The following AKAP13 variants were observed in gnomAD, a reference collection of about 807,000 sequenced individuals.
AKAP13 encodes the protein A-kinase anchor protein 13.
AKAP13 carries 80 observed loss-of-function variants against 264.5 expected under a neutral mutation model. The ratio of observed to expected loss-of-function variants is 0.30; its 90% CI spans 0.25 to 0.36. The LOEUF is 0.36. AKAP13 is among the 10% of genes least tolerant of loss of function. The pLI is 1.00. For missense variants in AKAP13, 3,712 were observed against 3,435.2 expected (o/e 1.08, Z -2.01); for synonymous variants, 1,380 against 1,250.2 (o/e 1.10, Z -2.19).
At chr15:85,716,861 G>C (rs1597158105) in intron 20 of AKAP13, among the ~76,000 whole-genome samples, 1 of 152,208 alleles carries the variant, frequency 6.6e-6, no homozygotes, top group Non-Finnish European at 1.5e-5. Flanking sequence ...TTGGGTGCCT[G>C]CTGTGCTAGC....
intron 1 of AKAP13, among the ~76,000 whole-genome samples, chr15:85,381,231 C>A (rs1167968078): frequency 1.3e-5 from 2 of 152,094 alleles, no homozygotes; most frequent in Non-Finnish European, 2.9e-5. Context: ...GGTGTGGAGT[C>A]CCCGCCGTGG....
intron 1 of AKAP13, among the ~76,000 whole-genome samples, chr15:85,419,827 C>T (rs1431604271): frequency 6.6e-6 from 1 of 151,564 alleles, no homozygotes; most frequent in Non-Finnish European, 1.5e-5. Context: ...TTGTGTACCT[C>T]ATTTTCTCTG....
chr15:85,407,485 C>G (rs1028603508), intron 1 of AKAP13, among the ~76,000 whole-genome samples: 2 of 151,646 alleles, frequency 1.3e-5, no homozygotes, highest in African/African-American at 4.9e-5. Flanking sequence ...GGTGATCTGT[C>G]TGCCTTGGCC....
rs1481897338 is a variant in AKAP13 at position 85,747,850 on chromosome 15, A to G, written c.*3173A>G. 1.3e-5 allele frequency: 2 copies of G among 153,232 alleles called. No individual in the cohort carries two copies. Among genetic ancestry groups the G allele is most frequent in the African/African-American group, 4.8e-5 (2 of 41,422 alleles). The allele number at this position is 153,232 out of a possible 1,614,324, so 9.5% of individuals were successfully genotyped here. On this transcript the variant is annotated 3_prime_UTR_variant, in exon 37 of 37. Transcript: ENST00000394518. Reference sequence around the variant, plus strand: ...TTTTTCCCCTTCTGTGTCTCAGGGTAATACTATTCAGAGTCGCCCCTTTGC... The same window carrying G: ...TTTTTCCCCTTCTGTGTCTCAGGGTGATACTATTCAGAGTCGCCCCTTTGC...
intron 1 of AKAP13, among the ~76,000 whole-genome samples, chr15:85,400,871 TA>T (rs1345731465): frequency 3.9e-4 from 23 of 58,816 alleles, no homozygotes; most frequent in East Asian, 5.8e-4. Context: ...TATATATATA[TA>T]TATTTTTTTT....
intron 1 of AKAP13, among the ~76,000 whole-genome samples, chr15:85,413,996 T>C (rs2150878513): frequency 6.6e-6 from 1 of 152,296 alleles, no homozygotes; most frequent in Middle Eastern, 3.4e-3. Flanking sequence ...TTCTCCAACC[T>C]TTTTTACCAC....
At chr15:85,514,630 A>G (rs1596387442) in intron 2 of AKAP13, among the ~76,000 whole-genome samples, 1 of 137,770 alleles carries the variant, frequency 7.3e-6, no homozygotes, top group South Asian at 2.2e-4. Flanking sequence ...CCTTTAATGA[A>G]ATTGAACACT....
At chr15:85,383,473 A>G (rs1359436301) in intron 1 of AKAP13, among the ~76,000 whole-genome samples, 1 of 152,220 alleles carries the variant, frequency 6.6e-6, no homozygotes, top group African/African-American at 2.4e-5. Flanking sequence ...AGCTGTAATG[A>G]TAATAATTTT....
chr15:85,500,420 T>G (rs2076008471), intron 2 of AKAP13, among the ~76,000 whole-genome samples: 1 of 152,192 alleles, frequency 6.6e-6, no homozygotes, highest in Non-Finnish European at 1.5e-5. Context: ...GTATGTTGAT[T>G]GTAACATTTT....
rs1484375666 is a variant in AKAP13 at position 85,579,055 on chromosome 15, A to G, written c.987A>G (p.Arg329=). 1 of 1,614,034 alleles carries G rather than the reference A, an allele frequency of 6.2e-7. No homozygotes were observed. The highest frequency in any genetic ancestry group is 8.5e-7 in the Non-Finnish European group (1 of 1,180,034). ...PCAPEPTDPQ[R]LSSSEETEST... is the part of the protein sequence containing the mutation. ...CACCGGAGCCCACGGACCCTCAGCG[A>G]CTTTCTTCTTCTGAAGAGACTGAGA... Residue 329 remains arginine, a synonymous_variant, in exon 7 of 37, where the codon CGA becomes CGG. Coordinates refer to ENST00000394518, the MANE Select transcript of AKAP13 (RefSeq NM_007200.5).
In AKAP13 at chr15:85,727,498, G is replaced by T. The variant is rs1203239542; in HGVS notation, c.7087+35G>T. On this transcript the variant is annotated intron_variant, in intron 29 of 36. Transcript: ENST00000394518. This position sits in a 1 kb window ranked among gnomAD's most constrained non-coding sequence, Gnocchi z 5.3. ...TGCGAGTGGTCTGAGCCCCTTGTCT[G>T]GAATGTCTGCAGTTGCAGAAGACTG... 6.2e-7 allele frequency: 1 copy of T among 1,609,920 alleles called. No individual in the cohort carries two copies. Among genetic ancestry groups the T allele is most frequent in the South Asian group, 1.1e-5 (1 of 90,820 alleles).
Position 85,745,084 on chromosome 15 carries a change from C to T in AKAP13, c.*407C>T. 5.9e-6 allele frequency: 1 copy of T among 168,708 alleles called. No homozygotes were observed. The highest frequency in any genetic ancestry group is 1.5e-4 in the South Asian group (1 of 6,890). The allele number at this position is 168,708 out of a possible 1,614,324, so 10.5% of individuals were successfully genotyped here. ...AAAACCAAACAGCAGATGTTTTGGA[C>T]TTGATCTGTGTACGTACATGGGGAC... On this transcript the variant is annotated 3_prime_UTR_variant, in exon 37 of 37. Transcript: ENST00000394518.
intron 5 of AKAP13, 69 bp from the exon 6 acceptor site, chr15:85,575,062 A>G: frequency 6.8e-7 from 1 of 1,473,748 alleles, no homozygotes; most frequent in Non-Finnish European, 9.4e-7. Context: ...ACGAAGTAAG[A>G]CTTAGAACGT....
intron 10 of AKAP13, among the ~76,000 whole-genome samples, chr15:85,653,019 C>T (rs192596471): frequency 1.3e-5 from 2 of 152,258 alleles, no homozygotes; most frequent in East Asian, 3.9e-4. Context: ...CATTATTCAA[C>T]CCAGTACAGT....
intron 8 of AKAP13, among the ~76,000 whole-genome samples, chr15:85,592,516 T>A (rs2079627136): frequency 6.6e-6 from 1 of 152,218 alleles, no homozygotes; most frequent in African/African-American, 2.4e-5. Context: ...CATAGTTTTG[T>A]GGTGTGTGTG....
intron 23 of AKAP13, among the ~76,000 whole-genome samples, chr15:85,721,453 T>C (rs781469799): frequency 3.9e-5 from 6 of 152,186 alleles, no homozygotes; most frequent in Non-Finnish European, 8.8e-5. Flanking sequence ...TAGTGCAAAG[T>C]GAACATACCT....
chr15:85,718,268 G>A lies in AKAP13; in HGVS notation c.6001+109G>A. On this transcript the variant is annotated intron_variant, in intron 22 of 36. Transcript: ENST00000394518. The surrounding 1 kb of genome is among the most constrained non-coding windows in gnomAD (Gnocchi z 4.9). Reference sequence around the variant, plus strand: ...TCAGTTTTTTAGTATGTGGCTTCTTGAAAAGATTTCCTTTAAAAACTTTAA... The same window carrying A: ...TCAGTTTTTTAGTATGTGGCTTCTTAAAAAGATTTCCTTTAAAAACTTTAA... 1 of 1,337,628 alleles carries A rather than the reference G, an allele frequency of 7.5e-7. No homozygotes were observed. The highest frequency in any genetic ancestry group is 1.4e-5 in the South Asian group (1 of 71,410). The allele number at this position is 1,337,628 out of a possible 1,614,324, so 82.9% of individuals were successfully genotyped here. A position where few individuals can be genotyped will look rare whatever the true frequency, so the allele number is the denominator to read the frequency against.
Position 85,741,288 on chromosome 15 carries a change from C to T in AKAP13, c.7851C>T (p.Ala2617=), listed in dbSNP as rs1379264322. 6.2e-7 allele frequency: 1 copy of T among 1,610,996 alleles called. No individual in the cohort carries two copies. Among genetic ancestry groups the T allele is most frequent in the South Asian group, 1.1e-5 (1 of 90,744 alleles). The change falls in exon 35 of 37, where the codon GCC becomes GCT. Residue 2617 remains alanine, a synonymous_variant. Transcript: ENST00000394518. ...AGAGGGAGCTGCGGGAGCGGGAGGC[C>T]CTCCTGGCCCAGCGCGAGGAGGAGG... ...ARERELRERE[A]LLAQREEEVQ... is the part of the protein sequence containing the mutation.
intron 1 of AKAP13, among the ~76,000 whole-genome samples, chr15:85,427,511 G>A (rs1211948899): frequency 2.0e-5 from 3 of 152,076 alleles, no homozygotes; most frequent in Non-Finnish European, 4.4e-5. Flanking sequence ...TTGTAGTTGT[G>A]TGTGTGTGCG....
Sources: gnomAD v4.1 joint callset for allele counts (sites outside exome capture counted in the v4.1 genomes callset) on GRCh38, gnomAD v4.1.1 for gene constraint, Gnocchi (gnomAD v3.1) non-coding constraint, MANE v1.5 for transcripts, NCBI Gene and HGNC (gene_info 2026-07-23, HGNC 2026-07-21) for gene names.